The following CTBP2 variants were observed in gnomAD, a reference collection of about 807,000 sequenced individuals.
CTBP2 encodes the protein C-terminal binding protein 2, also known as C-terminal-binding protein 2.
CTBP2 carries 30 observed loss-of-function variants against 80.3 expected under a neutral mutation model. The observed-to-expected ratio is 0.37, with a 90% CI of 0.28 to 0.51. The LOEUF is 0.51. CTBP2 is among the 20% of genes least tolerant of loss of function. The pLI is 0.93. For missense variants in CTBP2, 1,212 were observed against 1,375.3 expected, an observed-to-expected ratio of 0.88 and a Z score of 1.88; for synonymous variants, 594 against 587.4, an observed-to-expected ratio of 1.01 and a Z score of -0.16.
chr10:125,071,809 A>G (rs1033594240), intron 2 of CTBP2, among the ~76,000 whole-genome samples: 2 of 152,128 alleles, frequency 1.3e-5, no homozygotes, highest in East Asian at 1.9e-4. Context: ...ACCCCCAAAC[A>G]TTCCCAAAGC....
chr10:125,040,712 T>C (rs970928147), intron 2 of CTBP2, among the ~76,000 whole-genome samples: 8 of 151,884 alleles, frequency 5.3e-5, no homozygotes, highest in African/African-American at 1.9e-4. Flanking sequence ...ATGAGGATAA[T>C]GATGTACGGT....
At chr10:124,990,535 A>G (rs538777293) in intron 8 of CTBP2, among the ~76,000 whole-genome samples, 285 of 152,364 alleles carry the variant, frequency 1.9e-3, no homozygotes, top group African/African-American at 6.6e-3. Context: ...TGGATACATT[A>G]TACTATTTAA....
At chr10:125,071,449 T>A (rs774562830) in intron 2 of CTBP2, among the ~76,000 whole-genome samples, 29 of 152,212 alleles carry the variant, frequency 1.9e-4, no homozygotes, top group Non-Finnish European at 3.2e-4. Flanking sequence ...TGAGCCCAAG[T>A]GGGACAGGAA....
At chr10:125,148,544 G>A (rs575725640) in intron 1 of CTBP2, among the ~76,000 whole-genome samples, 3 of 152,296 alleles carry the variant, frequency 2.0e-5, no homozygotes, top group South Asian at 2.1e-4. Flanking sequence ...AGTAACATAC[G>A]GGATTTGCTT....
At chr10:125,151,853 C>T (rs1859965573) in intron 1 of CTBP2, among the ~76,000 whole-genome samples, 1 of 152,184 alleles carries the variant, frequency 6.6e-6, no homozygotes, top group Admixed American at 6.5e-5. Flanking sequence ...CCCCGCCGCC[C>T]CGGGTCCGAG....
chr10:125,070,751 C>T lies in CTBP2; in HGVS notation c.-101-31596G>A, dbSNP rs536485285. On this transcript the variant is annotated intron_variant, in intron 2 of 10. Coordinates refer to the CTBP2 transcript ENST00000337195. ...TGTGATCTCAGCTCACTGCAGCCTC[C>T]GCTTCTGGAGTTCAAGTGATTCTCC... 6.6e-5 allele frequency among the ~76,000 whole-genome samples: 10 copies of T among 152,026 alleles called. No homozygotes were observed. The South Asian group carries it at 1.7e-3, about 25-fold the overall frequency.
chr10:125,066,749 A>C lies in CTBP2; in HGVS notation c.-101-27594T>G, dbSNP rs1260675668. Among the ~76,000 whole-genome samples the C allele has an allele frequency of 6.6e-6, 1 of 152,212 alleles. No homozygotes were observed. On this transcript the variant is annotated intron_variant, in intron 2 of 10. Coordinates refer to the CTBP2 transcript ENST00000337195. The surrounding 1 kb of genome is among the most constrained non-coding windows in gnomAD (Gnocchi z 4.1). ...CTTCACACCTGGGGGTTTCTTATCC[A>C]TAAATGGAACGACCTCACCAGAATT...
chr10:125,058,927 A>G (rs1964462027), intron 2 of CTBP2, among the ~76,000 whole-genome samples: 1 of 152,154 alleles, frequency 6.6e-6, no homozygotes, highest in Non-Finnish European at 1.5e-5. Flanking sequence ...CAGAGAATCA[A>G]GTCTACCAAA....
At chr10:125,152,281 C>T (rs1434566711) in intron 1 of CTBP2, among the ~76,000 whole-genome samples, 1 of 152,224 alleles carries the variant, frequency 6.6e-6, no homozygotes, top group Non-Finnish European at 1.5e-5. Context: ...GTCCTTGCAG[C>T]AGGGTGGGGC....
intron 2 of CTBP2, among the ~76,000 whole-genome samples, chr10:125,091,261 C>T (rs1192962843): frequency 6.6e-6 from 1 of 152,186 alleles, no homozygotes; most frequent in Non-Finnish European, 1.5e-5. Flanking sequence ...GCAGGAGTAA[C>T]AGGACTCCTT....
intron 2 of CTBP2, among the ~76,000 whole-genome samples, chr10:125,091,672 C>G (rs981202996): frequency 2.0e-5 from 3 of 152,136 alleles, no homozygotes; most frequent in Non-Finnish European, 4.4e-5. Flanking sequence ...ATGTGGGGAG[C>G]TGAGGCAGGA....
intron 2 of CTBP2, among the ~76,000 whole-genome samples, chr10:125,079,382 T>C (rs925893444): frequency 1.3e-5 from 2 of 152,082 alleles, no homozygotes; most frequent in Non-Finnish European, 2.9e-5. Context: ...TACAGAATAT[T>C]CACCACCGGT....
chr10:125,086,106 G>A (rs570627556), intron 2 of CTBP2, among the ~76,000 whole-genome samples: 1 of 152,332 alleles, frequency 6.6e-6, no homozygotes, highest in Non-Finnish European at 1.5e-5. Flanking sequence ...TGGTCTTAAT[G>A]TTTGTGTCCC....
chr10:125,110,271 A>G (rs1023483603), intron 2 of CTBP2, among the ~76,000 whole-genome samples: 5 of 152,244 alleles, frequency 3.3e-5, no homozygotes, highest in African/African-American at 9.6e-5. Context: ...AGCAAGATTA[A>G]AATCAATTCC....
rs1952096591 is a variant in CTBP2 at position 124,987,849 on chromosome 10, T to TA, written c.*1668dup. On this transcript the variant is annotated 3_prime_UTR_variant, in exon 9 of 9. Transcript: ENST00000309035. ...GTTGGACTTAATTGACACTTGCAAA[T>TA]ACTTTTAGTATAAAGGTTTAATTCT... is the stretch of plus-strand genomic sequence containing the variant. The TA allele has an allele frequency of 6.6e-6, 1 of 152,224 alleles. No homozygotes were observed. The highest frequency in any genetic ancestry group is 1.5e-5 in the Non-Finnish European group (1 of 68,032). 9.4% of individuals were successfully genotyped at this position (152,224 alleles called of 1,614,324 possible). A position where few individuals can be genotyped will look rare whatever the true frequency, so the allele number is the denominator to read the frequency against.
At chr10:125,071,104 G>C (rs536296192) in intron 2 of CTBP2, among the ~76,000 whole-genome samples, 3 of 152,338 alleles carry the variant, frequency 2.0e-5, no homozygotes, top group Non-Finnish European at 4.4e-5. Context: ...GGCACATCCA[G>C]ATGCTCCCGA....
At position 125,026,927 on chromosome 10, in the gene CTBP2, G is replaced by A. The variant is rs1200691274; in HGVS notation, c.833C>T (p.Ser278Phe). ...CTTGCCACCAGGACCCTGGAAGGTG[G>A]ACAGGTCAGCTTCGTAAGTCTCGTA... Residue 278 changes from serine (S) to phenylalanine (F), a missense_variant, in exon 1 of 9, where the codon TCC becomes TTC. Transcript: ENST00000309035. 85 of 1,613,954 alleles carry A rather than the reference G, an allele frequency of 5.3e-5. No individual in the cohort carries two copies. Among genetic ancestry groups the A allele is most frequent in the Non-Finnish European group, 7.0e-5 (83 of 1,180,026 alleles).
rs114209259 is a variant in CTBP2 at position 125,043,962 on chromosome 10, C to T, written c.-101-4807G>A. ...TCACAATATGCTCACAAATTAATATCATCGTAGTTAAGCAAGTCCTGCCAA... is the reference window on the plus strand; with the variant it reads ...TCACAATATGCTCACAAATTAATATTATCGTAGTTAAGCAAGTCCTGCCAA... On this transcript the variant is annotated intron_variant, in intron 2 of 10. Transcript: ENST00000337195. 3.6e-3 allele frequency among the ~76,000 whole-genome samples: 550 copies of T among 152,300 alleles called. 3 individuals are homozygous for T. The highest frequency in any genetic ancestry group is 0.013 in the African/African-American group (530 of 41,558).
chr10:125,123,183 C>T (rs904510292), intron 1 of CTBP2, among the ~76,000 whole-genome samples: 2 of 152,022 alleles, frequency 1.3e-5, no homozygotes, highest in South Asian at 2.1e-4. Context: ...AGCTGGGGAC[C>T]GTCCTGGCCA....
Sources: gnomAD v4.1 joint callset for allele counts (sites outside exome capture counted in the v4.1 genomes callset) on GRCh38, gnomAD v4.1.1 for gene constraint, Gnocchi (gnomAD v3.1) non-coding constraint, MANE v1.5 for transcripts, NCBI Gene and HGNC (gene_info 2026-07-23, HGNC 2026-07-21) for gene names.